Variants in MYO1C observed in about 807,000 individuals in gnomAD.
The protein encoded by MYO1C is myosin IC.
In MYO1C, 104 loss-of-function variants were observed where a neutral mutation model predicts 150.8. The observed-to-expected ratio is 0.69, with a 90% CI of 0.59 to 0.81. The LOEUF (loss-of-function observed/expected upper bound fraction) is 0.81, where lower values mean the gene tolerates loss of function less well. Among genes scored for constraint, MYO1C ranks in the 30% least tolerant of loss-of-function variants. The pLI, the probability that MYO1C is intolerant of heterozygous loss-of-function variation, is 0.00. For missense variants in MYO1C, 1,504 were observed against 1,435.0 expected (o/e 1.05, Z -0.78); for synonymous variants, 663 against 579.9 (o/e 1.14, Z -2.06).
At chr17:1,484,562 G>A (rs2074611885) in intron 1 of MYO1C, 3 of 590,694 alleles carry the variant, frequency 5.1e-6, no homozygotes, top group African/African-American at 3.7e-5. Flanking sequence ...ACAGAACAGA[G>A]ACAACATGAA....
Position 1,467,328 on chromosome 17 carries a change from C to T in MYO1C, c.3079G>A (p.Gly1027Arg), listed in dbSNP as rs745615390. 6.2e-7 allele frequency: 1 copy of T among 1,613,070 alleles called. No homozygotes were observed. The highest frequency in any genetic ancestry group is 2.2e-5 in the East Asian group (1 of 44,870). The change falls in exon 31 of 32, where the codon GGG (glycine) becomes AGG (arginine). Residue 1027 changes from glycine (G) to arginine (R), a missense_variant. By Grantham distance (125) the Gly-to-Arg change is moderately radical. Transcript: ENST00000648651. Reference protein sequence around the residue: ...NINQGSITFAGGPGRDGTIDF... With the variant: ...NINQGSITFARGPGRDGTIDF... ...ATGGTGCCATCCCTGCCGGGGCCCC[C>T]TGCAAACGTGATGCTGGGGGAACGG... is the stretch of plus-strand genomic sequence containing the variant.
Position 1,479,446 on chromosome 17 carries a change from G to A in MYO1C, c.1077C>T (p.Ile359=), listed in dbSNP as rs762474036. The A allele has an allele frequency of 4.4e-5, 65 of 1,481,566 alleles. No homozygotes were observed. In the African/African-American group the frequency reaches 6.4e-4, roughly 15 times the overall value. The allele number at this position is 1,481,566 out of a possible 1,614,324, so 91.8% of individuals were successfully genotyped here. A position where few individuals can be genotyped will look rare whatever the true frequency, so the allele number is the denominator to read the frequency against. ...LREALTHRKI[I]AKGEELLSPL... is the part of the protein sequence containing the mutation. Reference sequence around the variant, plus strand: ...CCGGCCTCACCTCCTCCCCCTTGGCGATGATCTTCCTGTGTGTCAGGGCTT... The same window carrying A: ...CCGGCCTCACCTCCTCCCCCTTGGCAATGATCTTCCTGTGTGTCAGGGCTT... The change falls in exon 9 of 32, where the codon ATC becomes ATT. Residue 359 remains isoleucine, a synonymous_variant. Transcript: ENST00000648651. The surrounding 1 kb of genome is among the most constrained non-coding windows in gnomAD (Gnocchi z 4.2).
At position 1,478,406 on chromosome 17, in the gene MYO1C, C is replaced by T. The variant is rs116845928; in HGVS notation, c.1295+4G>A. ...AGGAGAGACGGGGGAAAGATGGCAC[C>T]GACCTGTTATGCTGAAACACTTCAA... On this transcript the variant is annotated splice_donor_region_variant and intron_variant, in intron 11 of 31. Coordinates refer to ENST00000648651, the MANE Select transcript of MYO1C (RefSeq NM_001080779.2). The surrounding 1 kb of genome is among the most constrained non-coding windows in gnomAD (Gnocchi z 6.3). The T allele has an allele frequency of 8.5e-3, 13,775 of 1,614,060 alleles. 63 individuals carry two copies. Among genetic ancestry groups the T allele is most frequent in the Non-Finnish European group, 0.01 (12,055 of 1,179,960 alleles).
In MYO1C at chr17:1,468,741, G is replaced by C. The variant is rs8066147; in HGVS notation, c.2611-245C>G. The C allele has an allele frequency of 0.018, 10,311 of 569,748 alleles. 760 individuals are homozygous for C. Among genetic ancestry groups the C allele is most frequent in the African/African-American group, 0.17 (8,939 of 53,218 alleles). 35.3% of individuals were successfully genotyped at this position (569,748 alleles called of 1,614,324 possible). ...ACTGCGGGGTTTTGAAACTGGCCTT[G>C]GTAATGCTTCCCCACCCCATCAGGC... On this transcript the variant is annotated intron_variant, in intron 25 of 31. Coordinates refer to ENST00000648651, the MANE Select transcript of MYO1C (RefSeq NM_001080779.2).
Position 1,472,105 on chromosome 17 carries a change from C to T in MYO1C, c.1903+18G>A. ...CAGGGGAGGCCCGGCCCCGAAGTCC[C>T]CCGTGGGAGGGGCCTACCGGGCTGT... On this transcript the variant is annotated intron_variant, in intron 18 of 31. Transcript: ENST00000648651. The T allele has an allele frequency of 6.2e-7, 1 of 1,613,820 alleles. No individual in the cohort carries two copies. The highest frequency in any genetic ancestry group is 1.1e-5 in the South Asian group (1 of 91,082).
Position 1,474,800 on chromosome 17 carries a change from C to T in MYO1C, c.1716+12G>A, listed in dbSNP as rs769509283. On this transcript the variant is annotated intron_variant, in intron 16 of 31. Coordinates refer to ENST00000648651, the MANE Select transcript of MYO1C (RefSeq NM_001080779.2). Reference sequence around the variant, plus strand: ...CCCCACCCCCACCCCGGCCTCCCCACGTCCTCCTCACCTCCTTAAGGTTCC... The same window carrying T: ...CCCCACCCCCACCCCGGCCTCCCCATGTCCTCCTCACCTCCTTAAGGTTCC... The T allele has an allele frequency of 2.5e-6, 4 of 1,613,668 alleles. No individual in the cohort carries two copies. Among genetic ancestry groups the T allele is most frequent in the African/African-American group, 1.3e-5 (1 of 74,964 alleles).
intron 1 of MYO1C, among the ~76,000 whole-genome samples, chr17:1,489,712 A>G (rs567155140): frequency 6.6e-6 from 1 of 151,704 alleles, no homozygotes; most frequent in Non-Finnish European, 1.5e-5. Context: ...TAAACCCATA[A>G]CATGTTAACA....
intron 31 of MYO1C, among the ~76,000 whole-genome samples, chr17:1,466,580 C>T (rs1450731257): frequency 2.7e-5 from 4 of 150,878 alleles, no homozygotes; most frequent in East Asian, 2.0e-4. Context: ...CACTTGCCTT[C>T]GCCTCCCAAA....
intron 17 of MYO1C, among the ~76,000 whole-genome samples, chr17:1,473,489 AGG>A (rs896605969): frequency 1.4e-4 from 21 of 151,108 alleles, no homozygotes; most frequent in South Asian, 4.2e-4. Flanking sequence ...AGCAGCGGGC[AGG>A]GGCACAGTGA....
At position 1,467,595 on chromosome 17, in the gene MYO1C, A is replaced by G. The variant is rs1439462385; in HGVS notation, c.2968-18T>C. 6.2e-7 allele frequency: 1 copy of G among 1,609,930 alleles called. No homozygotes were observed. ...ACATCTCCCTGGGGGGCCAGGCAGG[A>G]GGAGGGGTCAGGCCCTGCCCAGAAC... On this transcript the variant is annotated intron_variant, in intron 29 of 31. Coordinates refer to ENST00000648651, the MANE Select transcript of MYO1C (RefSeq NM_001080779.2).
In MYO1C at chr17:1,468,315, C is replaced by T. The variant is rs1282336003; in HGVS notation, c.2705-7G>A. On this transcript the variant is annotated splice_region_variant and splice_polypyrimidine_tract_variant and intron_variant, in intron 26 of 31. Coordinates refer to ENST00000648651, the MANE Select transcript of MYO1C (RefSeq NM_001080779.2). ...GGGCTGATCTCATCTGTACCTGCAA[C>T]TCAGATGGCGGGGAGGGAAGTCAGT... is the stretch of plus-strand genomic sequence containing the variant. 5 of 1,613,974 alleles carry T rather than the reference C, an allele frequency of 3.1e-6. No individual in the cohort carries two copies. The East Asian group carries it at 6.7e-5, about 22-fold the overall frequency.
At chr17:1,473,301 G>A (rs570557938) in intron 17 of MYO1C, among the ~76,000 whole-genome samples, 13 of 152,270 alleles carry the variant, frequency 8.5e-5, no homozygotes, top group South Asian at 4.1e-4. Context: ...CCAAGGGCCC[G>A]TTTGTTATAG....
At position 1,492,576 on chromosome 17, in the gene MYO1C, C is replaced by T; in HGVS notation, c.-89G>A. 1 of 1,256,270 alleles carries T rather than the reference C, an allele frequency of 8.0e-7. No individual in the cohort carries two copies. The highest frequency in any genetic ancestry group is 2.5e-5 in the East Asian group (1 of 39,514). 77.8% of individuals were successfully genotyped at this position (1,256,270 alleles called of 1,614,324 possible). A position where few individuals can be genotyped will look rare whatever the true frequency, so the allele number is the denominator to read the frequency against. Reference sequence around the variant, plus strand: ...TGGCGGGCTCCGACCACTCCGGGACCAGGAACCTACGGTCTAACGCCGGGA... The same window carrying T: ...TGGCGGGCTCCGACCACTCCGGGACTAGGAACCTACGGTCTAACGCCGGGA... On this transcript the variant is annotated 5_prime_UTR_variant, in exon 1 of 32. Transcript: ENST00000648651.
At chr17:1,477,622 G>A (rs759498531) in intron 13 of MYO1C, 26 bp from the exon 14 acceptor site, 1 of 1,563,284 alleles carries the variant, frequency 6.4e-7, no homozygotes, top group Non-Finnish European at 8.8e-7. Context: ...CAGGGGGAAG[G>A]ACGTATGGGG....
At chr17:1,483,150 G>GTGGGAGTC in intron 3 of MYO1C, 91 bp from the exon 4 acceptor site, 1 of 1,306,096 alleles carries the variant, frequency 7.7e-7, no homozygotes. Context: ...GAGTCCTCTT[G>GTGGGAGTC]TGGGAGTCGA....
intron 5 of MYO1C, among the ~76,000 whole-genome samples, chr17:1,481,970 G>C (rs1419600031): frequency 6.6e-6 from 1 of 152,130 alleles, no homozygotes; most frequent in Non-Finnish European, 1.5e-5. Context: ...TCGTATCTCA[G>C]GCCTTTGTCC....
intron 1 of MYO1C, 75 bp downstream of exon 1, chr17:1,492,338 G>T: frequency 6.9e-7 from 1 of 1,453,576 alleles, no homozygotes; most frequent in Non-Finnish European, 9.4e-7. Context: ...TTGCCCGAGG[G>T]CTCGCCTGAG....
chr17:1,465,822 T>C, intron 31 of MYO1C, 70 bp from the exon 32 acceptor site: 1 of 1,167,356 alleles, frequency 8.6e-7, no homozygotes, highest in Non-Finnish European at 1.1e-6. Context: ...CAGACTTTTC[T>C]TTTCGTCCTT....
intron 2 of MYO1C, 41 bp downstream of exon 2, chr17:1,484,107 G>C: frequency 6.2e-7 from 1 of 1,609,054 alleles, no homozygotes. Flanking sequence ...GCCTGTGTCT[G>C]TGACCCCAGC....
Sources: gnomAD v4.1 joint callset for allele counts (sites outside exome capture counted in the v4.1 genomes callset) on GRCh38, gnomAD v4.1.1 for gene constraint, Gnocchi (gnomAD v3.1) non-coding constraint, MANE v1.5 for transcripts, NCBI Gene and HGNC (gene_info 2026-07-23, HGNC 2026-07-21) for gene names.